The following NEK11 variants were observed in gnomAD, a reference collection of about 807,000 sequenced individuals.
NEK11 encodes the protein NIMA related kinase 11.
In NEK11, 72 loss-of-function variants were observed where a neutral mutation model predicts 80.7. The ratio of observed to expected loss-of-function variants is 0.89; its 90% confidence interval spans 0.74 to 1.08. The LOEUF (loss-of-function observed/expected upper bound fraction) is 1.08. Among genes scored for constraint, NEK11 ranks in the 50% least tolerant of loss-of-function variants. The probability of loss-of-function intolerance (pLI) is 0.00; values close to 1 mark genes in which losing one functional copy is unlikely to be tolerated. For missense variants in NEK11, 764 were observed against 763.6 expected, an observed-to-expected ratio of 1.00 and a Z score of -0.01; for synonymous variants, 251 against 260.7, an observed-to-expected ratio of 0.96 and a Z score of 0.36.
intron 16 of NEK11, among the ~76,000 whole-genome samples, chr3:131,265,876 C>T (rs1348825004): frequency 6.6e-6 from 1 of 152,096 alleles, no homozygotes; most frequent in African/African-American, 2.4e-5. Context: ...CTGTTAATTA[C>T]TGCCCCAATT....
At chr3:131,235,531 A>G (rs2107943695) in intron 15 of NEK11, among the ~76,000 whole-genome samples, 1 of 152,242 alleles carries the variant, frequency 6.6e-6, no homozygotes, top group South Asian at 2.1e-4. Flanking sequence ...CTGGGAGGAA[A>G]GGGTTGTGAC....
At chr3:131,137,348 G>A (rs1478848962) in intron 7 of NEK11, among the ~76,000 whole-genome samples, 1 of 152,112 alleles carries the variant, frequency 6.6e-6, no homozygotes, top group Admixed American at 6.6e-5. Flanking sequence ...AAGGGATGGG[G>A]ACAACAGCCT....
At chr3:131,194,895 G>A (rs2067949575) in intron 14 of NEK11, among the ~76,000 whole-genome samples, 1 of 152,096 alleles carries the variant, frequency 6.6e-6, no homozygotes, top group South Asian at 2.1e-4. Context: ...TTCCTACACT[G>A]GCTGTGTGAT....
At chr3:131,232,992 GGAAGGAAGGA>G (rs2095359494) in intron 15 of NEK11, among the ~76,000 whole-genome samples, 1 of 99,144 alleles carries the variant, frequency 1.0e-5, no homozygotes, top group Admixed American at 9.0e-5. Context: ...AAGGAAGGAA[GGAAGGAAGGA>G]AGGAAGGAAG....
At chr3:131,075,202 G>T (rs907664479) in intron 3 of NEK11, among the ~76,000 whole-genome samples, 4 of 152,174 alleles carry the variant, frequency 2.6e-5, no homozygotes, top group Admixed American at 6.5e-5. Flanking sequence ...ACCCCCGAAT[G>T]AGCTAGTTCC....
intron 14 of NEK11, among the ~76,000 whole-genome samples, chr3:131,197,173 A>G (rs898637869): frequency 6.6e-6 from 1 of 152,156 alleles, no homozygotes; most frequent in East Asian, 1.9e-4. Flanking sequence ...TCAGCCTAGG[A>G]AATCCAGCTA....
intron 5 of NEK11, among the ~76,000 whole-genome samples, chr3:131,114,519 G>T (rs966210894): frequency 2.0e-5 from 3 of 152,124 alleles, no homozygotes; most frequent in Non-Finnish European, 2.9e-5. Flanking sequence ...CCCTATCCAG[G>T]ACAGGCTTTA....
At chr3:131,265,065 G>C (rs560310121) in intron 16 of NEK11, among the ~76,000 whole-genome samples, 4 of 152,282 alleles carry the variant, frequency 2.6e-5, no homozygotes, top group South Asian at 2.1e-4. Flanking sequence ...CATTGATTTT[G>C]TATCCTGAGA....
intron 17 of NEK11, among the ~76,000 whole-genome samples, chr3:131,347,919 A>G (rs1270572151): frequency 8.4e-6 from 1 of 118,708 alleles, no homozygotes. Flanking sequence ...CTTCATCTCC[A>G]AAAAAAAAAA....
At chr3:131,078,303 G>A in intron 3 of NEK11, among the ~76,000 whole-genome samples, 1 of 152,092 alleles carries the variant, frequency 6.6e-6, no homozygotes, top group East Asian at 1.9e-4. Flanking sequence ...TTGGAGAATG[G>A]AAACTTAACC....
chr3:131,184,565 G>A (rs553229836), intron 14 of NEK11: 1 of 298,844 alleles, frequency 3.3e-6, no homozygotes, highest in African/African-American at 2.2e-5. Flanking sequence ...GAACACGAAT[G>A]CTTTTTATCT....
chr3:131,323,574 C>T (rs1040233208), intron 17 of NEK11, among the ~76,000 whole-genome samples: 1 of 152,110 alleles, frequency 6.6e-6, no homozygotes, highest in East Asian at 1.9e-4. Context: ...TTGTAGTTGC[C>T]AAAGGAGAGG....
intron 11 of NEK11, 46 bp downstream of exon 11, chr3:131,162,573 A>G (rs1272917786): frequency 1.3e-6 from 2 of 1,598,288 alleles, no homozygotes; most frequent in Admixed American, 1.8e-5. Context: ...ACTACTTCTC[A>G]GGGCTCTCAG....
chr3:131,168,220 A>G (rs2092398677), intron 12 of NEK11, among the ~76,000 whole-genome samples: 1 of 152,092 alleles, frequency 6.6e-6, no homozygotes, highest in African/African-American at 2.4e-5. Flanking sequence ...CCCTCCTCCA[A>G]ATTCTTATGG....
At chr3:131,182,388 A>G (rs2093406024) in intron 14 of NEK11, among the ~76,000 whole-genome samples, 1 of 152,110 alleles carries the variant, frequency 6.6e-6, no homozygotes, top group Non-Finnish European at 1.5e-5. Context: ...TTTATCGTCA[A>G]TTTTCCACTT....
chr3:131,048,100 C>A (rs900387506), intron 3 of NEK11, among the ~76,000 whole-genome samples: 2 of 152,094 alleles, frequency 1.3e-5, no homozygotes, highest in African/African-American at 2.4e-5. Flanking sequence ...CCCACGTATC[C>A]CAAAAGGCCA....
intron 14 of NEK11, among the ~76,000 whole-genome samples, chr3:131,192,374 T>C (rs1281276074): frequency 6.6e-6 from 1 of 152,162 alleles, no homozygotes; most frequent in Non-Finnish European, 1.5e-5. Flanking sequence ...TAAAACAGTA[T>C]GGTGATTCGT....
chr3:131,202,009 A>G (rs2094251286), intron 14 of NEK11, among the ~76,000 whole-genome samples: 1 of 151,708 alleles, frequency 6.6e-6, no homozygotes, highest in Non-Finnish European at 1.5e-5. Context: ...TAATTTTTGT[A>G]TTTTTAGTAG....
intron 3 of NEK11, among the ~76,000 whole-genome samples, chr3:131,036,159 C>A (rs750973062): frequency 6.6e-6 from 1 of 152,240 alleles, no homozygotes; most frequent in Non-Finnish European, 1.5e-5. Context: ...AAGGAGACTT[C>A]ACTTTTCACT....
Sources: allele counts gnomAD v4.1 joint callset (sites outside exome capture counted in the v4.1 genomes callset), GRCh38; gene constraint gnomAD v4.1.1; transcripts MANE v1.5; gene names NCBI Gene and HGNC (gene_info 2026-07-23, HGNC 2026-07-21).